Variants in TBC1D14 observed in about 807,000 individuals in gnomAD.
TBC1D14 encodes TBC1 domain family, member 14.
Under a neutral mutation model 79.0 loss-of-function variants are expected in TBC1D14, and 26 were observed. The ratio of observed to expected loss-of-function variants is 0.33; its 90% CI spans 0.24 to 0.46. The LOEUF is 0.46. Ranked by LOEUF, TBC1D14 falls within the 20% of genes least tolerant of loss-of-function variation. The pLI, the probability that TBC1D14 is intolerant of heterozygous loss-of-function variation, is 1.00. For synonymous variants in TBC1D14, 394 were observed against 349.9 expected (o/e 1.13, Z -1.40); for missense variants, 769 against 887.6 (o/e 0.87, Z 1.70).
At chr4:6,963,403 C>T (rs1034978042) in intron 2 of TBC1D14, among the ~76,000 whole-genome samples, 2 of 152,178 alleles carry the variant, frequency 1.3e-5, no homozygotes, top group African/African-American at 4.8e-5. Context: ...TGTGGTCTCC[C>T]TGTCGGGCAG....
chr4:6,992,301 T>TC (rs1208833968), intron 3 of TBC1D14, among the ~76,000 whole-genome samples: 1 of 147,690 alleles, frequency 6.8e-6, no homozygotes, highest in African/African-American at 2.5e-5. Context: ...ACTCGGGCTT[T>TC]CCCCTCTAAA....
chr4:7,028,941 A>G (rs749884579), intron 13 of TBC1D14, among the ~76,000 whole-genome samples: 26 of 151,974 alleles, frequency 1.7e-4, no homozygotes, highest in Non-Finnish European at 3.2e-4. Context: ...GGGCTCAAGC[A>G]ATTCTTCCAC....
intron 2 of TBC1D14, among the ~76,000 whole-genome samples, chr4:6,966,494 C>T (rs1391943971): frequency 6.6e-6 from 1 of 152,196 alleles, no homozygotes; most frequent in Non-Finnish European, 1.5e-5. Context: ...TACAGATTTA[C>T]CTTGTACATA....
At chr4:7,017,940 T>C (rs1490955873) in intron 12 of TBC1D14, among the ~76,000 whole-genome samples, 1 of 152,096 alleles carries the variant, frequency 6.6e-6, no homozygotes, top group Non-Finnish European at 1.5e-5. Flanking sequence ...GGTTGGGCAG[T>C]AGGGAGGAAG....
intron 2 of TBC1D14, among the ~76,000 whole-genome samples, chr4:6,939,885 C>T (rs552310327): frequency 1.1e-4 from 16 of 152,280 alleles, no homozygotes; most frequent in East Asian, 5.8e-4. Flanking sequence ...CGTGTTCTTC[C>T]GAAGGACACA....
chr4:7,000,046 G>A (rs1011228098), intron 6 of TBC1D14, among the ~76,000 whole-genome samples: 1 of 152,166 alleles, frequency 6.6e-6, no homozygotes, highest in African/African-American at 2.4e-5. Context: ...GCACTGCAGG[G>A]GTCACGCGGC....
intron 2 of TBC1D14, among the ~76,000 whole-genome samples, chr4:6,960,590 G>A (rs1715102832): frequency 6.6e-6 from 1 of 152,126 alleles, no homozygotes; most frequent in Non-Finnish European, 1.5e-5. Context: ...GCCTGTGAGT[G>A]TATCAGGAAC....
Position 6,960,775 on chromosome 4 carries a change from G to A in TBC1D14, c.723-6529G>A, listed in dbSNP as rs1038325123. Among the ~76,000 whole-genome samples, 3 of 152,242 alleles carry A rather than the reference G, an allele frequency of 2.0e-5. No homozygotes were observed. The South Asian group carries it at 6.2e-4, about 31-fold the overall frequency. On this transcript the variant is annotated intron_variant, in intron 2 of 13. Transcript: ENST00000409757. ...TGAGGGGTGTTGGAGCCTCCAGGCG[G>A]TTTGCTGTTTTCAGCCCCCGCTGCG... is the stretch of plus-strand genomic sequence containing the variant.
At chr4:6,945,098 G>A (rs909332013) in intron 2 of TBC1D14, among the ~76,000 whole-genome samples, 12 of 152,184 alleles carry the variant, frequency 7.9e-5, no homozygotes, top group African/African-American at 2.2e-4. Context: ...GTGTGAGAGT[G>A]GGAGGTTTGA....
At chr4:7,010,098 T>TAAGTGAGTTAGTG in intron 10 of TBC1D14, 150 bp downstream of exon 10, 1 of 801,212 alleles carries the variant, frequency 1.2e-6, no homozygotes, top group Admixed American at 2.0e-5. Flanking sequence ...TTAAGTGAGT[T>TAAGTGAGTTAGTG]GACTCAGGTT....
intron 2 of TBC1D14, among the ~76,000 whole-genome samples, chr4:6,937,741 A>G (rs143265768): frequency 0.012 from 1,805 of 152,264 alleles, 16 homozygotes; most frequent in Middle Eastern, 0.041. Flanking sequence ...GGCAGGGCTC[A>G]GGGACGTGTG....
At chr4:7,013,888 C>CTA (rs1560350741) in intron 11 of TBC1D14, among the ~76,000 whole-genome samples, 1 of 152,118 alleles carries the variant, frequency 6.6e-6, no homozygotes, top group East Asian at 1.9e-4. Flanking sequence ...GGACTACAGG[C>CTA]GCCCGCCACC....
intron 4 of TBC1D14, among the ~76,000 whole-genome samples, chr4:6,995,900 G>A (rs946867482): frequency 2.0e-5 from 3 of 151,610 alleles, no homozygotes; most frequent in African/African-American, 4.8e-5. Flanking sequence ...GCAGTGGCGC[G>A]ATCTCAGCTC....
intron 5 of TBC1D14, chr4:6,998,830 C>T (rs1033275239): frequency 1.1e-5 from 4 of 372,048 alleles, no homozygotes; most frequent in Admixed American, 4.2e-5. Context: ...TGAGCCACCG[C>T]GCCTGGCCAA....
Position 7,018,959 on chromosome 4 carries a change from C to T in TBC1D14, c.1757+4402C>T, listed in dbSNP as rs148052915. On this transcript the variant is annotated intron_variant, in intron 12 of 13. Coordinates refer to ENST00000409757, the MANE Select transcript of TBC1D14 (RefSeq NM_020773.3). ...GGACTACATTCCATGTTATGGTTAGCGTTTCTGAAATTATGTTTAATGATC... is the reference window on the plus strand; with the variant it reads ...GGACTACATTCCATGTTATGGTTAGTGTTTCTGAAATTATGTTTAATGATC... 1.4e-3 allele frequency among the ~76,000 whole-genome samples: 206 copies of T among 152,210 alleles called. 1 individual carries two copies. Among genetic ancestry groups the T allele is most frequent in the African/African-American group, 4.8e-3 (198 of 41,538 alleles).
intron 12 of TBC1D14, 79 bp from the exon 13 acceptor site, chr4:7,024,925 G>C (rs1722196139): frequency 6.4e-7 from 1 of 1,567,262 alleles, no homozygotes; most frequent in Non-Finnish European, 8.7e-7. Flanking sequence ...TGTTTTTCAT[G>C]GAATCAGACT....
At chr4:6,953,169 C>T (rs1261281296) in intron 2 of TBC1D14, among the ~76,000 whole-genome samples, 1 of 150,420 alleles carries the variant, frequency 6.6e-6, no homozygotes, top group Non-Finnish European at 1.5e-5. Flanking sequence ...GGATTACAGG[C>T]ACCTACCACC....
At chr4:6,978,680 T>G (rs1179772696) in intron 3 of TBC1D14, among the ~76,000 whole-genome samples, 2 of 144,828 alleles carry the variant, frequency 1.4e-5, no homozygotes, top group East Asian at 3.9e-4. Flanking sequence ...TTCCCTCCAC[T>G]ATTGTCCCGT....
intron 13 of TBC1D14, among the ~76,000 whole-genome samples, chr4:7,027,296 CCCACACACAT>C (rs1722476492): frequency 6.6e-6 from 1 of 151,080 alleles, no homozygotes; most frequent in Non-Finnish European, 1.5e-5. Flanking sequence ...TGTCACCCCC[CCCACACACAT>C]CACACACCTA....
Sources: gnomAD v4.1 joint callset for allele counts (sites outside exome capture counted in the v4.1 genomes callset) on GRCh38, gnomAD v4.1.1 for gene constraint, MANE v1.5 for transcripts, NCBI Gene and HGNC (gene_info 2026-07-23, HGNC 2026-07-21) for gene names.